The following WDTC1 variants were observed in gnomAD, a reference collection of about 807,000 sequenced individuals.
The protein encoded by WDTC1 is WD and tetratricopeptide repeats 1, also known as WD and tetratricopeptide repeats protein 1.
A neutral mutation model predicts 76.0 loss-of-function variants in WDTC1; 12 were observed. That is an observed-to-expected ratio of 0.16 (90% CI 0.10 to 0.26). The LOEUF is 0.26. Ranked by LOEUF, WDTC1 falls within the 10% of genes least tolerant of loss-of-function variation. The pLI is 1.00. For missense variants in WDTC1, 511 were observed against 908.8 expected (o/e 0.56, Z 5.63); for synonymous variants, 326 against 350.8 (o/e 0.93, Z 0.79).
At chr1:27,235,374 C>A (rs2011472695) in intron 1 of WDTC1, among the ~76,000 whole-genome samples, 2 of 149,078 alleles carry the variant, frequency 1.3e-5, no homozygotes, top group Admixed American at 6.8e-5. Flanking sequence ...CTCTCTCTTT[C>A]TGTTTTTCTC....
Position 27,288,254 on chromosome 1 carries a change from G to A in WDTC1, c.479+393G>A, listed in dbSNP as rs568184081. Among the ~76,000 whole-genome samples the A allele has an allele frequency of 9.9e-5, 15 of 152,196 alleles. No homozygotes were observed. In the East Asian group the frequency reaches 1.2e-3, roughly 12 times the overall value. On this transcript the variant is annotated intron_variant, in intron 6 of 15. Transcript: ENST00000319394. Reference sequence around the variant, plus strand: ...CAGAAGCACCTTCTCTGACCATCCTGTCTAAAGTAGACAGACGTTATGCTT... The same window carrying A: ...CAGAAGCACCTTCTCTGACCATCCTATCTAAAGTAGACAGACGTTATGCTT...
intron 3 of WDTC1, among the ~76,000 whole-genome samples, chr1:27,265,324 T>C (rs2012626093): frequency 6.6e-6 from 1 of 152,166 alleles, no homozygotes; most frequent in South Asian, 2.1e-4. Context: ...AACTAGACAT[T>C]AAAGAAGTTT....
At chr1:27,248,186 G>A (rs1357786129) in intron 1 of WDTC1, among the ~76,000 whole-genome samples, 1 of 152,184 alleles carries the variant, frequency 6.6e-6, no homozygotes, top group African/African-American at 2.4e-5. Flanking sequence ...GATTGCTAGG[G>A]CAAATGGTAG....
chr1:27,259,323 C>CTTTTTT (rs57081638), intron 1 of WDTC1, among the ~76,000 whole-genome samples: 6 of 106,332 alleles, frequency 5.6e-5, no homozygotes, highest in East Asian at 2.8e-4. Context: ...CCATGCCCAA[C>CTTTTTT]TTTTTTTTTT....
intron 3 of WDTC1, among the ~76,000 whole-genome samples, chr1:27,276,460 C>T (rs973796260): frequency 9.9e-5 from 15 of 152,062 alleles, no homozygotes; most frequent in Admixed American, 2.6e-4. Context: ...TTTGGGAGGC[C>T]GAAGCAGGCA....
intron 1 of WDTC1, among the ~76,000 whole-genome samples, chr1:27,256,674 T>G (rs2012290537): frequency 6.6e-6 from 1 of 152,198 alleles, no homozygotes; most frequent in Admixed American, 6.5e-5. Context: ...TGTCCCTTCC[T>G]GCTAGAATGT....
At chr1:27,237,217 CT>C (rs1386816808) in intron 1 of WDTC1, among the ~76,000 whole-genome samples, 1 of 152,110 alleles carries the variant, frequency 6.6e-6, no homozygotes, top group Non-Finnish European at 1.5e-5. Flanking sequence ...TCAAGGGATT[CT>C]CGTACCTCTG....
At chr1:27,260,381 AG>A (rs2012439377) in intron 1 of WDTC1, among the ~76,000 whole-genome samples, 2 of 152,238 alleles carry the variant, frequency 1.3e-5, no homozygotes, top group Non-Finnish European at 2.9e-5. Context: ...CTGGGATTAC[AG>A]GTGTGAGCCA....
In WDTC1 at chr1:27,293,980, C is replaced by A. The variant is rs374629522; in HGVS notation, c.663-42C>A. The A allele has an allele frequency of 2.0e-3, 3,222 of 1,583,460 alleles. 55 individuals are homozygous for A. The South Asian group carries it at 0.021, about 10-fold the overall frequency. On this transcript the variant is annotated intron_variant, in intron 7 of 15. Transcript: ENST00000319394. ...GAGTGTGGTCTGGTCTAGCCAGGGG[C>A]AGTGCTGTAACTTTAACCTATATGA...
At chr1:27,292,757 CTTT>C (rs1304057627) in intron 7 of WDTC1, among the ~76,000 whole-genome samples, 1 of 113,462 alleles carries the variant, frequency 8.8e-6, no homozygotes, top group Non-Finnish European at 1.8e-5. Flanking sequence ...TATTGTTTTA[CTTT>C]TTTTTTTTTT....
At chr1:27,272,455 A>C (rs1273473787) in intron 3 of WDTC1, among the ~76,000 whole-genome samples, 2 of 152,176 alleles carry the variant, frequency 1.3e-5, no homozygotes, top group Non-Finnish European at 2.9e-5. Context: ...AACTTCAAAG[A>C]AATCTTGAGC....
intron 4 of WDTC1, 103 bp from the exon 5 acceptor site, chr1:27,283,235 C>T: frequency 3.0e-6 from 3 of 988,998 alleles, no homozygotes; most frequent in Admixed American, 2.1e-5. Context: ...ATTTACTGTT[C>T]TTCAAATTCT....
chr1:27,278,406 T>A (rs1485643301), intron 3 of WDTC1, among the ~76,000 whole-genome samples: 2 of 152,206 alleles, frequency 1.3e-5, no homozygotes, highest in Non-Finnish European at 2.9e-5. Context: ...TAGGAACTAT[T>A]CATTAATTCA....
In WDTC1 at chr1:27,305,973, C is replaced by T. The variant is rs973053996; in HGVS notation, c.1837-213C>T. On this transcript the variant is annotated intron_variant, in intron 15 of 15. Transcript: ENST00000319394. This position sits in a 1 kb window ranked among gnomAD's most constrained non-coding sequence, Gnocchi z 4.6. ...GACCTGCCTGTATATCCTGAGGTGG[C>T]GTATCTCCCATATATATTCCAGCGT... 7.2e-5 allele frequency among the ~76,000 whole-genome samples: 11 copies of T among 152,134 alleles called. No individual in the cohort carries two copies. Among genetic ancestry groups the T allele is most frequent in the South Asian group, 2.1e-4 (1 of 4,826 alleles).
chr1:27,270,830 CCA>C (rs914650310), intron 3 of WDTC1, among the ~76,000 whole-genome samples: 2 of 152,188 alleles, frequency 1.3e-5, no homozygotes, highest in Non-Finnish European at 2.9e-5. Context: ...TTTTGTCTTC[CCA>C]CTGGCAATGC....
At chr1:27,281,310 C>G (rs2013182177) in intron 3 of WDTC1, among the ~76,000 whole-genome samples, 1 of 151,918 alleles carries the variant, frequency 6.6e-6, no homozygotes, top group South Asian at 2.1e-4. Context: ...AAAAATTAGC[C>G]TGGCGTGTTG....
At chr1:27,288,817 C>G (rs1258426224) in intron 6 of WDTC1, among the ~76,000 whole-genome samples, 1 of 152,138 alleles carries the variant, frequency 6.6e-6, no homozygotes, top group Non-Finnish European at 1.5e-5. Context: ...CCTTTCTATT[C>G]CACAAAACCG....
At chr1:27,283,552 T>C (rs41291064) in intron 5 of WDTC1, 103 bp downstream of exon 5, 125,559 of 930,118 alleles carry the variant, frequency 0.13, 9,398 homozygotes, top group South Asian at 0.19. Flanking sequence ...CCATATACCG[T>C]CTAGGGTCAC....
rs780961570 is a variant in WDTC1, at chr1:27,306,144, C to A, written c.1837-42C>A. 1 of 1,611,498 alleles carries A rather than the reference C, an allele frequency of 6.2e-7. No homozygotes were observed. On this transcript the variant is annotated intron_variant, in intron 15 of 15. Coordinates refer to ENST00000319394, the MANE Select transcript of WDTC1 (RefSeq NM_001276252.2). This position sits in a 1 kb window ranked among gnomAD's most constrained non-coding sequence, Gnocchi z 5.0. ...CTATACGTGTACCCTGGTGCCTCTC[C>A]CTCCCTGAGCCCCACGTGTGTCACC...
Sources: allele counts gnomAD v4.1 joint callset (sites outside exome capture counted in the v4.1 genomes callset), GRCh38; gene constraint gnomAD v4.1.1; non-coding constraint Gnocchi (gnomAD v3.1); transcripts MANE v1.5; gene names NCBI Gene and HGNC (gene_info 2026-07-23, HGNC 2026-07-21).